LRCH3: variants seen among roughly 807,000 people sequenced by gnomAD.
LRCH3 encodes leucine rich repeats and calponin homology domain containing 3, also known as DISP complex protein LRCH3.
A neutral mutation model predicts 104.5 loss-of-function variants in LRCH3; 68 were observed. The ratio of observed to expected loss-of-function variants is 0.65; its 90% CI spans 0.54 to 0.80. The LOEUF is 0.80. Ranked by LOEUF, LRCH3 falls within the 30% of genes least tolerant of loss-of-function variation. The probability of loss-of-function intolerance (pLI) is 0.00; values close to 1 mark genes in which losing one functional copy is unlikely to be tolerated. For missense variants in LRCH3, 951 were observed against 953.9 expected (o/e 1.00, Z 0.04); for synonymous variants, 344 against 361.3 (o/e 0.95, Z 0.54).
At chr3:197,877,761 C>T (rs1713069568) in intron 20 of LRCH3, among the ~76,000 whole-genome samples, 1 of 151,708 alleles carries the variant, frequency 6.6e-6, no homozygotes, top group African/African-American at 2.4e-5. Context: ...TTACTTTTTT[C>T]TTTTGCTGTT....
Position 197,854,505 on chromosome 3 carries a change from T to C in LRCH3, c.1644+60T>C. ...CTGTGTTTAGAGATTGTACTTTTTA[T>C]TCAGAAACTATCTAAATACCATAAA... is the stretch of plus-strand genomic sequence containing the variant. On this transcript the variant is annotated intron_variant, in intron 14 of 20. Transcript: ENST00000425562. The surrounding 1 kb of genome is among the most constrained non-coding windows in gnomAD (Gnocchi z 4.5). 7.0e-7 allele frequency: 1 copy of C among 1,432,922 alleles called. No individual in the cohort carries two copies. Among genetic ancestry groups the C allele is most frequent in the Non-Finnish European group, 9.9e-7 (1 of 1,014,776 alleles). The allele number at this position is 1,432,922 out of a possible 1,614,324, so 88.8% of individuals were successfully genotyped here. A position where few individuals can be genotyped will look rare whatever the true frequency, so the allele number is the denominator to read the frequency against.
chr3:197,880,109 C>A (rs1048660515), intron 20 of LRCH3, among the ~76,000 whole-genome samples: 3 of 151,016 alleles, frequency 2.0e-5, no homozygotes, highest in Admixed American at 1.3e-4. Flanking sequence ...CCACGCCCGG[C>A]TAATTTTTTG....
At chr3:197,870,324 T>A in intron 18 of LRCH3, 46 bp downstream of exon 18, 1 of 1,547,964 alleles carries the variant, frequency 6.5e-7, no homozygotes, top group Non-Finnish European at 8.9e-7. Context: ...ATTACTGCTA[T>A]AGATCATAAT....
intron 10 of LRCH3, among the ~76,000 whole-genome samples, chr3:197,846,385 C>CA (rs113781589): frequency 0.041 from 2,732 of 66,518 alleles, 136 homozygotes; most frequent in African/African-American, 0.1. Context: ...CCTTGGGCCA[C>CA]AAAAAAAAAA....
rs1376192462 is a variant in LRCH3, at chr3:197,877,902, A to T, written c.2208+2127A>T. On this transcript the variant is annotated intron_variant, in intron 20 of 20. Coordinates refer to ENST00000425562, the MANE Select transcript of LRCH3 (RefSeq NM_001365715.1). Reference sequence around the variant, plus strand: ...ATATTATGTTGTTTTATAAAGGGTCATCTTTTAGAACAGACCTTTTTAAAT... The same window carrying T: ...ATATTATGTTGTTTTATAAAGGGTCTTCTTTTAGAACAGACCTTTTTAAAT... Among the ~76,000 whole-genome samples, 3 of 152,198 alleles carry T rather than the reference A, an allele frequency of 2.0e-5. No individual in the cohort carries two copies. The East Asian group carries it at 5.8e-4, about 29-fold the overall frequency.
rs1737447769 is a variant in LRCH3, at chr3:197,839,373, TGA to T, written c.1307_1308del (p.Arg436LysfsTer11). On this transcript the variant is annotated frameshift_variant, in exon 10 of 21. Transcript: ENST00000425562. LOFTEE classifies it high-confidence loss of function. ...AGGGAGTTTCAAAAAACAGAAGATA[TGA>T]GAAGATATTTACATCAAAACAGGTT... 6.3e-7 allele frequency: 1 copy of T among 1,595,396 alleles called. No individual in the cohort carries two copies. Among genetic ancestry groups the T allele is most frequent in the African/African-American group, 1.4e-5 (1 of 73,842 alleles).
chr3:197,792,577 T>TTATATATATATATATATGTATATATATA (rs1730669335), intron 1 of LRCH3, among the ~76,000 whole-genome samples: 1 of 20,330 alleles, frequency 4.9e-5, no homozygotes, highest in Non-Finnish European at 1.2e-4. Context: ...CCAGCTAATT[T>TTATATATATATATATATGTATATATATA]TATATATATA....
rs762784799 is a variant in LRCH3, at chr3:197,847,401, T to G, written c.1329-8T>G. The G allele has an allele frequency of 1.3e-6, 2 of 1,577,690 alleles. No individual in the cohort carries two copies. The highest frequency in any genetic ancestry group is 1.7e-6 in the Non-Finnish European group (2 of 1,168,590). ...GTTTTTTTCTTTCTTTTTTCTTTTT[T>G]GGGTCAGGGTTCCAGCTGAGCCATC... On this transcript the variant is annotated splice_region_variant and splice_polypyrimidine_tract_variant and intron_variant, in intron 10 of 20. Transcript: ENST00000425562.
chr3:197,817,328 A>ATGTGTGTGTGTGTATTTTGTGTGTGTGTG (rs1553916485), intron 3 of LRCH3, 26 bp downstream of exon 3: 11 of 348,406 alleles, frequency 3.2e-5, no homozygotes, highest in East Asian at 1.0e-3. Flanking sequence ...TGATTGTCCA[A>ATGTGTGTGTGTGTATTTTGTGTGTGTGTG]CATGTGTGTG....
intron 20 of LRCH3, chr3:197,880,797 A>G: frequency 6.6e-7 from 1 of 1,525,704 alleles, no homozygotes. Context: ...TATTTACATA[A>G]GTGCTTTTTC....
chr3:197,858,111 C>T (rs1445018020), intron 14 of LRCH3, among the ~76,000 whole-genome samples: 1 of 152,176 alleles, frequency 6.6e-6, no homozygotes, highest in African/African-American at 2.4e-5. Context: ...GTATTGTCTT[C>T]TCTGATTTCC....
intron 5 of LRCH3, among the ~76,000 whole-genome samples, chr3:197,827,497 A>G (rs953045532): frequency 3.9e-5 from 6 of 152,262 alleles, no homozygotes; most frequent in Non-Finnish European, 8.8e-5. Flanking sequence ...TGGACAAAGG[A>G]TGAAATTTAA....
intron 4 of LRCH3, among the ~76,000 whole-genome samples, chr3:197,825,463 GAT>G (rs1735059596): frequency 3.4e-5 from 1 of 29,360 alleles, no homozygotes; most frequent in Non-Finnish European, 7.1e-5. Flanking sequence ...GATCCTCTTT[GAT>G]TTTTTTTTTT....
intron 1 of LRCH3, among the ~76,000 whole-genome samples, chr3:197,802,867 AGTGACACCTGCCT>A (rs1732053016): frequency 6.6e-6 from 1 of 152,214 alleles, no homozygotes; most frequent in Non-Finnish European, 1.5e-5. Context: ...GCTTTGGAAC[AGTGACACCTGCCT>A]GCTGTATAAA....
intron 15 of LRCH3, among the ~76,000 whole-genome samples, chr3:197,860,616 T>C (rs1218191514): frequency 8.6e-6 from 1 of 116,068 alleles, no homozygotes; most frequent in Non-Finnish European, 1.9e-5. Context: ...TTTTACTTTT[T>C]AATTTTTGTG....
In LRCH3 at chr3:197,885,615, A is replaced by G. The variant is rs1714135302; in HGVS notation, c.*1949A>G. 6.6e-6 allele frequency: 1 copy of G among 152,320 alleles called. No individual in the cohort carries two copies. Among genetic ancestry groups the G allele is most frequent in the South Asian group, 2.1e-4 (1 of 4,836 alleles). The allele number at this position is 152,320 out of a possible 1,614,324, so 9.4% of individuals were successfully genotyped here. On this transcript the variant is annotated 3_prime_UTR_variant, in exon 21 of 21. Coordinates refer to ENST00000425562, the MANE Select transcript of LRCH3 (RefSeq NM_001365715.1). ...ACAAAAGCGAAATTCCATCTCAAAA[A>G]AAGAAAACGCGCCCCATCTCGCTCC...
At chr3:197,824,795 C>T (rs536129835) in intron 4 of LRCH3, among the ~76,000 whole-genome samples, 1 of 151,982 alleles carries the variant, frequency 6.6e-6, no homozygotes, top group African/African-American at 2.4e-5. Flanking sequence ...TGGTCTTGAA[C>T]TTCTGACCTC....
At chr3:197,829,818 T>C (rs1008767022) in intron 6 of LRCH3, 145 bp downstream of exon 6, 23 of 631,518 alleles carry the variant, frequency 3.6e-5, no homozygotes, top group Non-Finnish European at 6.2e-5. Context: ...ATTGTAAAGT[T>C]GATTACCTAG....
chr3:197,875,012 T>A (rs930042739), intron 19 of LRCH3, among the ~76,000 whole-genome samples: 1 of 145,170 alleles, frequency 6.9e-6, no homozygotes, highest in Non-Finnish European at 1.5e-5. Flanking sequence ...AACCTCTGCC[T>A]CCCGGGTTCC....
Sources: allele counts gnomAD v4.1 joint callset (sites outside exome capture counted in the v4.1 genomes callset), GRCh38; gene constraint gnomAD v4.1.1; non-coding constraint Gnocchi (gnomAD v3.1); transcripts MANE v1.5; gene names NCBI Gene and HGNC (gene_info 2026-07-23, HGNC 2026-07-21).